Variants in PDE7A observed in about 807,000 individuals in gnomAD.
The protein encoded by PDE7A is high affinity 3',5'-cyclic-AMP phosphodiesterase 7A.
A neutral mutation model predicts 64.3 loss-of-function variants in PDE7A; 39 were observed. The observed-to-expected ratio is 0.61, with a 90% CI of 0.47 to 0.79. The LOEUF (loss-of-function observed/expected upper bound fraction) is 0.79, where lower values mean the gene tolerates loss of function less well. Among genes scored for constraint, PDE7A ranks in the 30% least tolerant of loss-of-function variants. The pLI is 0.00. For synonymous variants in PDE7A, 203 were observed against 206.8 expected (o/e 0.98, Z 0.16); for missense variants, 470 against 582.8 (o/e 0.81, Z 1.99).
chr8:65,719,876 A>AGG (rs1234304075), intron 12 of PDE7A: 1 of 246,854 alleles, frequency 4.1e-6, no homozygotes, highest in African/African-American at 2.2e-5. Flanking sequence ...GAGGCTAAGA[A>AGG]GGGGTCTCCT....
At position 65,727,212 on chromosome 8, in the gene PDE7A, A is replaced by G. The variant is rs747297892; in HGVS notation, c.786T>C (p.Pro262=). ...HDLDHPGVNQ[P]FLIKTNHYLA... is the part of the protein sequence containing the mutation. ...AGTAATGGTTAGTTTTAATAAGGAA[A>G]GGTTGATTAACACCTGGATGATCCA... Residue 262 remains proline, a synonymous_variant, in exon 8 of 13, where the codon CCT becomes CCC. Coordinates refer to ENST00000401827, the MANE Select transcript of PDE7A (RefSeq NM_001242318.3). 1 of 1,613,340 alleles carries G rather than the reference A, an allele frequency of 6.2e-7. No individual in the cohort carries two copies. Among genetic ancestry groups the G allele is most frequent in the South Asian group, 1.1e-5 (1 of 91,056 alleles).
At chr8:65,810,279 T>C (rs1305673924) in intron 1 of PDE7A, among the ~76,000 whole-genome samples, 1 of 148,162 alleles carries the variant, frequency 6.7e-6, no homozygotes, top group Non-Finnish European at 1.5e-5. Flanking sequence ...TTCTCACTCA[T>C]AGGTGGGAAT....
At chr8:65,822,842 A>G (rs917445092) in intron 1 of PDE7A, among the ~76,000 whole-genome samples, 5 of 152,106 alleles carry the variant, frequency 3.3e-5, no homozygotes, top group African/African-American at 7.2e-5. Context: ...CCCCACTCCC[A>G]TTTTTGGAGG....
At chr8:65,762,254 G>A (rs1036238428) in intron 3 of PDE7A, among the ~76,000 whole-genome samples, 3 of 152,090 alleles carry the variant, frequency 2.0e-5, no homozygotes, top group African/African-American at 7.2e-5. Flanking sequence ...AAAAGAACAG[G>A]AGTGGTATCT....
At chr8:65,815,700 G>C (rs886576269) in intron 1 of PDE7A, among the ~76,000 whole-genome samples, 1 of 152,120 alleles carries the variant, frequency 6.6e-6, no homozygotes, top group East Asian at 1.9e-4. Context: ...ATTATACATT[G>C]CTAAGATCCA....
intron 10 of PDE7A, 66 bp downstream of exon 10, chr8:65,724,711 T>TC: frequency 7.3e-7 from 1 of 1,366,734 alleles, no homozygotes; most frequent in East Asian, 2.3e-5. Flanking sequence ...ACTAGAATAT[T>TC]CATTTTTTAG....
intron 3 of PDE7A, among the ~76,000 whole-genome samples, chr8:65,754,575 A>G (rs895644346): frequency 1.3e-5 from 2 of 150,502 alleles, no homozygotes; most frequent in South Asian, 4.2e-4. Context: ...TGACCTTGTG[A>G]TCCGCCCGCC....
At chr8:65,732,912 G>A (rs1346788319) in intron 7 of PDE7A, among the ~76,000 whole-genome samples, 1 of 151,692 alleles carries the variant, frequency 6.6e-6, no homozygotes, top group Non-Finnish European at 1.5e-5. Flanking sequence ...GTCTTGCTAT[G>A]TTGACCAGGC....
At chr8:65,729,993 T>C (rs1235811123) in intron 7 of PDE7A, among the ~76,000 whole-genome samples, 6 of 151,804 alleles carry the variant, frequency 4.0e-5, no homozygotes, top group Non-Finnish European at 7.4e-5. Context: ...CCCCAGGCCA[T>C]GGACCGGTAC....
chr8:65,796,319 T>A (rs11784267), intron 1 of PDE7A, among the ~76,000 whole-genome samples: 123 of 151,644 alleles, frequency 8.1e-4, no homozygotes, highest in African/African-American at 2.9e-3. Flanking sequence ...ACTCCAAACA[T>A]AAAAAAACAC....
chr8:65,717,364 G>T lies in PDE7A; in HGVS notation c.*1926C>A, dbSNP rs1806183354. ...TGGCCTTTTCTTATCACTTTAAAAAGGCCAATGATTGATAGAAATAAATAC... is the reference window on the plus strand; with the variant it reads ...TGGCCTTTTCTTATCACTTTAAAAATGCCAATGATTGATAGAAATAAATAC... On this transcript the variant is annotated 3_prime_UTR_variant, in exon 13 of 13. Transcript: ENST00000401827. 1 of 152,146 alleles carries T rather than the reference G, an allele frequency of 6.6e-6. No homozygotes were observed. The highest frequency in any genetic ancestry group is 1.5e-5 in the Non-Finnish European group (1 of 68,036). 9.4% of individuals were successfully genotyped at this position (152,146 alleles called of 1,614,324 possible). A position where few individuals can be genotyped will look rare whatever the true frequency, so the allele number is the denominator to read the frequency against.
At chr8:65,799,670 G>A (rs1809943845) in intron 1 of PDE7A, among the ~76,000 whole-genome samples, 1 of 152,238 alleles carries the variant, frequency 6.6e-6, no homozygotes, top group Non-Finnish European at 1.5e-5. Context: ...GGACAACTGA[G>A]TGGAAATATT....
chr8:65,802,849 G>T (rs767435508), intron 1 of PDE7A, among the ~76,000 whole-genome samples: 2 of 152,172 alleles, frequency 1.3e-5, no homozygotes, highest in Non-Finnish European at 2.9e-5. Flanking sequence ...GATCATGGGG[G>T]TGGATCCCTG....
At chr8:65,788,959 C>G (rs376577253) in intron 1 of PDE7A, 1 of 1,610,494 alleles carries the variant, frequency 6.2e-7, no homozygotes, top group South Asian at 1.1e-5. Context: ...ATCAAAAGCC[C>G]GCTGCATAAT....
chr8:65,786,378 T>C (rs1021697838), intron 1 of PDE7A, among the ~76,000 whole-genome samples: 1 of 152,154 alleles, frequency 6.6e-6, no homozygotes, highest in African/African-American at 2.4e-5. Context: ...TTCATTCACC[T>C]ACCCACTTAA....
At chr8:65,836,689 A>G (rs1243435152) in intron 1 of PDE7A, among the ~76,000 whole-genome samples, 2 of 152,206 alleles carry the variant, frequency 1.3e-5, no homozygotes, top group African/African-American at 4.8e-5. Context: ...TTTATTGACA[A>G]TACCTCTGCT....
chr8:65,824,100 C>T (rs1045059372), intron 1 of PDE7A, among the ~76,000 whole-genome samples: 2 of 152,224 alleles, frequency 1.3e-5, no homozygotes, highest in African/African-American at 4.8e-5. Context: ...TCTGTGGCAA[C>T]TGCACCTAGC....
At chr8:65,781,287 A>G (rs1027202092) in intron 2 of PDE7A, among the ~76,000 whole-genome samples, 2 of 151,410 alleles carry the variant, frequency 1.3e-5, no homozygotes, top group Non-Finnish European at 2.9e-5. Context: ...GGCACAGTCA[A>G]TGGCAAGGCA....
At chr8:65,815,500 CA>C (rs1490295224) in intron 1 of PDE7A, among the ~76,000 whole-genome samples, 4 of 152,104 alleles carry the variant, frequency 2.6e-5, no homozygotes, top group African/African-American at 9.7e-5. Context: ...CCAGTCATGA[CA>C]CAAAAAATAT....
Sources: allele counts gnomAD v4.1 joint callset (sites outside exome capture counted in the v4.1 genomes callset), GRCh38; gene constraint gnomAD v4.1.1; transcripts MANE v1.5; gene names NCBI Gene and HGNC (gene_info 2026-07-23, HGNC 2026-07-21).